Variants in CDH13 observed in about 807,000 individuals in gnomAD.
CDH13 encodes the protein cadherin-13.
In CDH13, 24 loss-of-function variants were observed where a neutral mutation model predicts 63.8. The observed-to-expected ratio is 0.38, with a 90% CI of 0.27 to 0.53. The LOEUF (loss-of-function observed/expected upper bound fraction) is 0.53, where lower values mean the gene tolerates loss of function less well. CDH13 is among the 20% of genes least tolerant of loss of function. The pLI, the probability that CDH13 is intolerant of heterozygous loss-of-function variation, is 0.85. For synonymous variants in CDH13, 503 were observed against 355.3 expected (o/e 1.42, Z -4.67); for missense variants, 1,049 against 903.1 (o/e 1.16, Z -2.07).
At chr16:83,549,044 G>C (rs906407036) in intron 7 of CDH13, among the ~76,000 whole-genome samples, 1 of 152,182 alleles carries the variant, frequency 6.6e-6, no homozygotes, top group African/African-American at 2.4e-5. Context: ...GCTTGTCAGT[G>C]CTCTGACAGA....
intron 5 of CDH13, among the ~76,000 whole-genome samples, chr16:83,234,904 T>C (rs1190217420): frequency 1.6e-4 from 25 of 152,164 alleles, no homozygotes; most frequent in Admixed American, 1.6e-3. Context: ...CTCTGTTAAC[T>C]GCTTGGTTTG....
intron 10 of CDH13, among the ~76,000 whole-genome samples, chr16:83,746,581 C>T (rs533989352): frequency 7.9e-5 from 12 of 152,294 alleles, no homozygotes; most frequent in African/African-American, 2.9e-4. Flanking sequence ...TGGAGATTTT[C>T]AATCCTGTTG....
intron 7 of CDH13, among the ~76,000 whole-genome samples, chr16:83,500,679 T>TG (rs2074264278): frequency 6.9e-6 from 1 of 145,116 alleles, no homozygotes; most frequent in African/African-American, 2.6e-5. Context: ...TTCAAGCAAT[T>TG]CTCGCACCTC....
intron 5 of CDH13, among the ~76,000 whole-genome samples, chr16:83,341,569 A>G (rs1263969224): frequency 1.3e-5 from 2 of 152,132 alleles, no homozygotes; most frequent in South Asian, 2.1e-4. Context: ...CCTATTATAT[A>G]TTTTATTCAG....
intron 5 of CDH13, among the ~76,000 whole-genome samples, chr16:83,315,115 C>T (rs2090079369): frequency 6.6e-6 from 1 of 152,196 alleles, no homozygotes. Flanking sequence ...AGAAGAACAA[C>T]CAGCACAATA....
At chr16:82,907,301 C>G (rs28522378) in intron 2 of CDH13, among the ~76,000 whole-genome samples, 6 of 152,116 alleles carry the variant, frequency 3.9e-5, no homozygotes, top group Non-Finnish European at 8.8e-5. Flanking sequence ...CCGCTGCCCC[C>G]TCCTCTTTAC....
intron 2 of CDH13, among the ~76,000 whole-genome samples, chr16:82,877,383 C>T (rs1414040246): frequency 2.0e-5 from 3 of 152,160 alleles, no homozygotes; most frequent in South Asian, 2.1e-4. Context: ...CCTTATGTTT[C>T]GTGGACAAAG....
chr16:82,870,378 T>G (rs1334452813), intron 2 of CDH13, among the ~76,000 whole-genome samples: 1 of 152,030 alleles, frequency 6.6e-6, no homozygotes, highest in Non-Finnish European at 1.5e-5. Context: ...GAATGTAAAT[T>G]ATTACAGCCA....
At chr16:83,083,543 A>C (rs2033398240) in intron 3 of CDH13, among the ~76,000 whole-genome samples, 1 of 152,234 alleles carries the variant, frequency 6.6e-6, no homozygotes, top group Non-Finnish European at 1.5e-5. Flanking sequence ...AGTGAGTAAC[A>C]GAGCCCAAAA....
chr16:83,347,556 C>T (rs1256574945), intron 6 of CDH13, among the ~76,000 whole-genome samples: 2 of 152,164 alleles, frequency 1.3e-5, no homozygotes, highest in African/African-American at 4.8e-5. Context: ...TACTGTGTGC[C>T]AGCAGCCATA....
intron 3 of CDH13, among the ~76,000 whole-genome samples, chr16:83,073,321 C>CTGTGTGTGTGTG (rs567463667): frequency 7.9e-5 from 11 of 139,802 alleles, no homozygotes; most frequent in African/African-American, 2.7e-4. Flanking sequence ...GGGTGTGTGT[C>CTGTGTGTGTGTG]TGTGTGTGTG....
chr16:83,370,897 T>C (rs2091354817), intron 6 of CDH13, among the ~76,000 whole-genome samples: 1 of 152,200 alleles, frequency 6.6e-6, no homozygotes, highest in African/African-American at 2.4e-5. Context: ...GTTGAATCCC[T>C]GTCTTTACTA....
intron 5 of CDH13, among the ~76,000 whole-genome samples, chr16:83,271,505 A>AAAAC (rs1555523018): frequency 7.0e-6 from 1 of 142,706 alleles, no homozygotes; most frequent in African/African-American, 2.6e-5. Context: ...TTATTTAAAA[A>AAAAC]AAAACAAAAC....
intron 1 of CDH13, among the ~76,000 whole-genome samples, chr16:82,708,233 C>T (rs570504266): frequency 3.9e-5 from 6 of 152,132 alleles, no homozygotes; most frequent in South Asian, 2.1e-4. Flanking sequence ...CTGTGAGTGA[C>T]GCTGCGAAAT....
Position 82,642,349 on chromosome 16 carries a change from G to A in CDH13, c.45+15212G>A, listed in dbSNP as rs139041504. Among the ~76,000 whole-genome samples the A allele has an allele frequency of 1.1e-4, 17 of 152,288 alleles. No individual in the cohort carries two copies. The East Asian group carries it at 2.7e-3, about 24-fold the overall frequency. On this transcript the variant is annotated intron_variant, in intron 1 of 13. Transcript: ENST00000567109. ...TAAGTTGCCCATTAAAGTACAGTAGGCGTGGTTTAGTCTATGCATCCCCGT... is the reference window on the plus strand; with the variant it reads ...TAAGTTGCCCATTAAAGTACAGTAGACGTGGTTTAGTCTATGCATCCCCGT...
intron 6 of CDH13, among the ~76,000 whole-genome samples, chr16:83,444,900 G>A (rs1215428415): frequency 9.6e-4 from 1 of 1,046 alleles, no homozygotes; most frequent in South Asian, 0.1. Context: ...GTTCACGGAA[G>A]ACTCCAAAAA....
chr16:83,333,190 A>T (rs925943804), intron 5 of CDH13, among the ~76,000 whole-genome samples: 1 of 152,188 alleles, frequency 6.6e-6, no homozygotes. Flanking sequence ...CCGTAATGAC[A>T]TTTAACTTGA....
chr16:82,826,631 G>A (rs1567574474), intron 1 of CDH13: 2 of 152,128 alleles, frequency 1.3e-5, no homozygotes, highest in South Asian at 2.1e-4. Flanking sequence ...ACTTACGGGG[G>A]GAAAAGGCGA....
At chr16:83,432,560 A>G (rs996364002) in intron 6 of CDH13, among the ~76,000 whole-genome samples, 2 of 152,156 alleles carry the variant, frequency 1.3e-5, no homozygotes, top group Non-Finnish European at 2.9e-5. Context: ...AGTGGGTGAA[A>G]CGAGCTTCAA....
Sources: gnomAD v4.1 joint callset for allele counts (sites outside exome capture counted in the v4.1 genomes callset) on GRCh38, gnomAD v4.1.1 for gene constraint, MANE v1.5 for transcripts, NCBI Gene and HGNC (gene_info 2026-07-23, HGNC 2026-07-21) for gene names.